The following TENM4 variants were observed in gnomAD, a reference collection of about 807,000 sequenced individuals.
TENM4 encodes the protein teneurin transmembrane protein 4.
Under a neutral mutation model 243.3 loss-of-function variants are expected in TENM4, and 82 were observed. That is an observed-to-expected ratio of 0.34 (90% CI 0.28 to 0.40). The LOEUF (loss-of-function observed/expected upper bound fraction) is 0.40, where lower values mean the gene tolerates loss of function less well. Ranked by LOEUF, TENM4 falls within the 10% of genes least tolerant of loss-of-function variation. The pLI, the probability that TENM4 is intolerant of heterozygous loss-of-function variation, is 1.00. For synonymous variants in TENM4, 1,412 were observed against 1,456.3 expected (o/e 0.97, Z 0.69); for missense variants, 3,138 against 3,673.3 (o/e 0.85, Z 3.77).
chr11:78,864,382 C>T (rs1858907714), intron 9 of TENM4, among the ~76,000 whole-genome samples: 1 of 129,304 alleles, frequency 7.7e-6, no homozygotes, highest in Admixed American at 9.2e-5. Context: ...TGCAGTGAGC[C>T]GAGATCCCGC....
At chr11:78,778,499 T>C (rs1856780536) in intron 17 of TENM4, 103 bp downstream of exon 17, 2 of 1,255,872 alleles carry the variant, frequency 1.6e-6, no homozygotes, top group African/African-American at 3.0e-5. Context: ...GACATCATGC[T>C]TATGTGGTGT....
intron 1 of TENM4, among the ~76,000 whole-genome samples, chr11:79,321,509 G>C (rs539583325): frequency 6.6e-6 from 1 of 152,096 alleles, no homozygotes; most frequent in East Asian, 1.9e-4. Context: ...CAGGAAAGGG[G>C]GAGGGGGCTA....
At chr11:78,849,889 A>G (rs1276120920) in intron 12 of TENM4, among the ~76,000 whole-genome samples, 1 of 152,190 alleles carries the variant, frequency 6.6e-6, no homozygotes, top group Non-Finnish European at 1.5e-5. Flanking sequence ...AGCTAGTGAT[A>G]TACATTCTCC....
At chr11:79,063,477 C>A (rs1565188080) in intron 6 of TENM4, among the ~76,000 whole-genome samples, 1 of 152,000 alleles carries the variant, frequency 6.6e-6, no homozygotes, top group East Asian at 1.9e-4. Flanking sequence ...ACCAGCAGGC[C>A]TCCTCTTCAC....
chr11:79,001,014 A>G (rs552140792), intron 6 of TENM4, among the ~76,000 whole-genome samples: 1 of 152,318 alleles, frequency 6.6e-6, no homozygotes, highest in Admixed American at 6.5e-5. Flanking sequence ...CTGGGTGACA[A>G]ATTGAGACTC....
intron 1 of TENM4, chr11:79,402,232 A>T (rs941957220): frequency 5.7e-6 from 1 of 176,434 alleles, no homozygotes; most frequent in Non-Finnish European, 1.4e-5. Flanking sequence ...GGGTTAGGGG[A>T]ATGAAGTCAC....
intron 1 of TENM4, among the ~76,000 whole-genome samples, chr11:79,300,657 T>A (rs528771517): frequency 6.6e-6 from 1 of 152,332 alleles, no homozygotes; most frequent in Admixed American, 6.5e-5. Flanking sequence ...AGGTAAATGG[T>A]ACCTAATTAT....
chr11:78,661,514 CAT>C lies in TENM4; in HGVS notation c.7484_7485del (p.Asp2495GlyfsTer30). On this transcript the variant is annotated frameshift_variant, in exon 33 of 34. Transcript: ENST00000278550. LOFTEE classifies it high-confidence loss of function. ...ATGAGCTCGTAGGAGGGTTCCATGG[CAT>C]CCATGTCTGGTTTGGGATAACCAGG... ...VIPGYPKPDM[D>X]AMEPSYELIH... 6.2e-7 allele frequency: 1 copy of C among 1,612,674 alleles called. No homozygotes were observed. Among genetic ancestry groups the C allele is most frequent in the Admixed American group, 1.7e-5 (1 of 59,872 alleles).
chr11:79,050,733 G>A (rs571595363), intron 6 of TENM4, among the ~76,000 whole-genome samples: 1 of 152,312 alleles, frequency 6.6e-6, no homozygotes, highest in Non-Finnish European at 1.5e-5. Flanking sequence ...TAGAAGCCAG[G>A]CTGCTGAGCA....
At chr11:79,150,597 T>C (rs966987906) in intron 3 of TENM4, among the ~76,000 whole-genome samples, 1 of 152,174 alleles carries the variant, frequency 6.6e-6, no homozygotes, top group African/African-American at 2.4e-5. Context: ...TTTAAGATCA[T>C]AGGGATGTTG....
chr11:79,036,040 A>T (rs1334187672), intron 6 of TENM4, among the ~76,000 whole-genome samples: 2 of 152,190 alleles, frequency 1.3e-5, no homozygotes, highest in Non-Finnish European at 2.9e-5. Flanking sequence ...AACTAAACCT[A>T]GTATTTTCCC....
rs768500242 is a variant in TENM4, at chr11:78,658,330, C to T, written c.8038G>A (p.Gly2680Arg). 2.5e-5 allele frequency: 40 copies of T among 1,613,382 alleles called. No homozygotes were observed. The highest frequency in any genetic ancestry group is 4.5e-5 in the East Asian group (2 of 44,864). Residue 2680 changes from glycine to arginine, a missense_variant, in exon 34 of 34, where the codon GGG (glycine) becomes AGG (arginine). This residue lies in a region of TENM4 where 2,467 missense variants were observed against 3,059.1 expected (regional missense o/e 0.81). Transcript: ENST00000278550. The stretch of plus-strand genomic sequence containing the variant: ...GCCTTCTCCTCATCCAACGTTGTCC[C>T]GTAGCGTGTGTTCAAGCACAGTGCC... ...YGALCLNTRYGTTLDEEKARV... is the reference protein window; with the variant it reads ...YGALCLNTRYRTTLDEEKARV...
intron 1 of TENM4, among the ~76,000 whole-genome samples, chr11:79,322,563 A>G (rs1856909638): frequency 6.6e-6 from 1 of 152,146 alleles, no homozygotes; most frequent in Admixed American, 6.5e-5. Flanking sequence ...TAAACAGTTA[A>G]AAGGAATTCT....
At chr11:78,691,102 T>C (rs1858809004) in intron 28 of TENM4, among the ~76,000 whole-genome samples, 1 of 152,220 alleles carries the variant, frequency 6.6e-6, no homozygotes, top group Non-Finnish European at 1.5e-5. Context: ...TTCCTGTCCC[T>C]TCTCCCAGTG....
intron 2 of TENM4, among the ~76,000 whole-genome samples, chr11:79,261,960 C>T (rs1189926677): frequency 1.3e-5 from 2 of 152,188 alleles, no homozygotes; most frequent in African/African-American, 4.8e-5. Flanking sequence ...TGCGGAGGAA[C>T]ATGAGATCAC....
chr11:79,362,814 A>T (rs1172507566), intron 1 of TENM4, among the ~76,000 whole-genome samples: 3 of 152,246 alleles, frequency 2.0e-5, no homozygotes, highest in African/African-American at 7.2e-5. Context: ...TGGAGGATTA[A>T]ATGAAATTAA....
chr11:79,054,272 AG>A (rs1294504096), intron 6 of TENM4, among the ~76,000 whole-genome samples: 3 of 152,180 alleles, frequency 2.0e-5, no homozygotes, highest in Admixed American at 2.0e-4. Context: ...TCACTGTACA[AG>A]CTGTGTGACC....
chr11:79,052,169 C>T (rs1859812573), intron 6 of TENM4, among the ~76,000 whole-genome samples: 1 of 152,204 alleles, frequency 6.6e-6, no homozygotes, highest in African/African-American at 2.4e-5. Context: ...AATGATATTT[C>T]TGCCTCTAGG....
intron 20 of TENM4, among the ~76,000 whole-genome samples, chr11:78,734,018 G>A (rs968718706): frequency 1.3e-5 from 2 of 152,016 alleles, no homozygotes; most frequent in African/African-American, 4.8e-5. Context: ...CTAAAACCCC[G>A]TTTCTACTAA....
Sources: allele counts gnomAD v4.1 joint callset (sites outside exome capture counted in the v4.1 genomes callset), GRCh38; gene constraint gnomAD v4.1.1; regional missense constraint gnomAD v4.1.1; transcripts MANE v1.5; gene names NCBI Gene and HGNC (gene_info 2026-07-23, HGNC 2026-07-21).